The following BCR variants were observed in gnomAD, a reference collection of about 807,000 sequenced individuals.
BCR encodes BCR activator of RhoGEF and GTPase, also known as breakpoint cluster region protein.
A neutral mutation model predicts 138.6 loss-of-function variants in BCR; 58 were observed. That is an observed-to-expected ratio of 0.42 (90% CI 0.34 to 0.52). BCR has a LOEUF of 0.52. BCR is among the 20% of genes least tolerant of loss of function. The probability of loss-of-function intolerance (pLI) is 0.06; values close to 1 mark genes in which losing one functional copy is unlikely to be tolerated. For missense variants in BCR, 1,599 were observed against 1,727.2 expected, an observed-to-expected ratio of 0.93 and a Z score of 1.32; for synonymous variants, 786 against 730.1, an observed-to-expected ratio of 1.08 and a Z score of -1.23.
chr22:23,297,181 C>T (rs1045594146), intron 16 of BCR, among the ~76,000 whole-genome samples: 9 of 149,612 alleles, frequency 6.0e-5, no homozygotes, highest in African/African-American at 1.5e-4. Context: ...GGATTACAGT[C>T]GTGCCCCACC....
chr22:23,267,722 C>CA (rs2073460082), intron 4 of BCR, among the ~76,000 whole-genome samples: 1 of 152,216 alleles, frequency 6.6e-6, no homozygotes, highest in African/African-American at 2.4e-5. Flanking sequence ...CTGCTGCACT[C>CA]ACACAAGTTG....
intron 13 of BCR, chr22:23,289,886 C>T (rs1329348628): frequency 5.5e-6 from 3 of 547,716 alleles, no homozygotes; most frequent in African/African-American, 3.8e-5. Flanking sequence ...AGCAGACGCT[C>T]CTCAGATGCT....
chr22:23,206,118 T>C (rs1221366414), intron 1 of BCR, among the ~76,000 whole-genome samples: 1 of 152,178 alleles, frequency 6.6e-6, no homozygotes, highest in African/African-American at 2.4e-5. Context: ...CTAACTTCCC[T>C]TTCTCTTCCC....
At chr22:23,294,054 CTT>C (rs1261078399) in intron 15 of BCR, among the ~76,000 whole-genome samples, 5 of 152,216 alleles carry the variant, frequency 3.3e-5, no homozygotes, top group Admixed American at 6.5e-5. Context: ...AAGGATCACT[CTT>C]TTGTTTCCTT....
chr22:23,268,531 C>T lies in BCR; in HGVS notation c.1860+16C>T, dbSNP rs767585996. 4.4e-5 allele frequency: 70 copies of T among 1,603,074 alleles called. No individual in the cohort carries two copies. The highest frequency in any genetic ancestry group is 3.9e-4 in the Admixed American group (23 of 59,658). On this transcript the variant is annotated intron_variant, in intron 5 of 22. Transcript: ENST00000305877. ...AATCTCCGAGGTAATGCCTTGATGC[C>T]GTTCAGACAGGTGCACCGCTGACTC...
intron 1 of BCR, among the ~76,000 whole-genome samples, chr22:23,232,176 A>G (rs2072966403): frequency 6.6e-6 from 1 of 152,220 alleles, no homozygotes; most frequent in Non-Finnish European, 1.5e-5. Flanking sequence ...CTGGCCCAGT[A>G]GGGATGATAG....
intron 1 of BCR, among the ~76,000 whole-genome samples, chr22:23,212,689 G>A (rs764097018): frequency 9.2e-5 from 14 of 152,200 alleles, no homozygotes; most frequent in East Asian, 5.8e-4. Context: ...ACCCCAGAGC[G>A]TTGCTGTGTC....
intron 16 of BCR, among the ~76,000 whole-genome samples, chr22:23,298,977 T>C (rs1468843797): frequency 6.6e-6 from 1 of 152,104 alleles, no homozygotes; most frequent in East Asian, 1.9e-4. Flanking sequence ...ACAGACCCCC[T>C]GGGGCCTGCC....
Position 23,181,915 on chromosome 22 carries a change from C to T in BCR, c.955C>T (p.Arg319Trp), listed in dbSNP as rs2072271325. ...CTGGCCCCGCAGGTCCTACTCCCCC[C>T]GGAGTTTTGAGGATTGCGGAGGCGG... ...LTWPRRSYSP[R>W]SFEDCGGGYT... Residue 319 changes from arginine to tryptophan, a missense_variant, in exon 1 of 23, where the codon CGG becomes TGG. This residue lies in a region of BCR where 806 missense variants were observed against 635.0 expected (regional missense o/e 1.27). Transcript: ENST00000305877. 6.2e-7 allele frequency: 1 copy of T among 1,613,552 alleles called. No individual in the cohort carries two copies. Among genetic ancestry groups the T allele is most frequent in the Non-Finnish European group, 8.5e-7 (1 of 1,179,970 alleles).
intron 4 of BCR, chr22:23,264,491 C>T (rs1488046017): frequency 4.0e-5 from 23 of 577,328 alleles, no homozygotes; most frequent in Non-Finnish European, 7.1e-5. Flanking sequence ...AGTGCTCAGG[C>T]ACCTTGCAGT....
At position 23,252,807 on chromosome 22, in the gene BCR, C is replaced by T. The variant is rs532501491; in HGVS notation, c.1280-992C>T. ...CTGTTTTCTCTGTACACAAGCTCAA[C>T]GCAGAACACTTATGTGACCAAATGT... On this transcript the variant is annotated intron_variant, in intron 1 of 22. Coordinates refer to ENST00000305877, the MANE Select transcript of BCR (RefSeq NM_004327.4). Among the ~76,000 whole-genome samples the T allele has an allele frequency of 5.3e-5, 8 of 152,310 alleles. No homozygotes were observed. In the South Asian group the frequency reaches 1.4e-3, roughly 28 times the overall value.
chr22:23,262,813 G>C, intron 4 of BCR: 3 of 1,003,654 alleles, frequency 3.0e-6, no homozygotes, highest in Non-Finnish European at 1.2e-6. Context: ...AAGCGAGCGA[G>C]AGGGGCAAGG....
rs764228203 is a variant in BCR at position 23,268,492 on chromosome 22, G to T, written c.1837G>T (p.Ala613Ser). 4 of 1,613,706 alleles carry T rather than the reference G, an allele frequency of 2.5e-6. No individual in the cohort carries two copies. The East Asian group carries it at 8.9e-5, about 36-fold the overall frequency. ...GGCTGAGAAGTGCTGTCAGGCCAAT[G>T]CTCAGTTTGCAGAAATCTCCGAGGT... is the stretch of plus-strand genomic sequence containing the variant. ...EMAEKCCQANAQFAEISENLR... is the reference protein window; with the variant it reads ...EMAEKCCQANSQFAEISENLR... The change falls in exon 5 of 23, where the codon GCT (alanine) becomes TCT (serine). Residue 613 changes from alanine (A) to serine (S), a missense_variant. Physicochemically the swap from Ala to Ser is moderately conservative, Grantham distance 99. Transcript: ENST00000305877.
chr22:23,249,899 G>A (rs1217050046), intron 1 of BCR, among the ~76,000 whole-genome samples: 1 of 152,198 alleles, frequency 6.6e-6, no homozygotes, highest in Non-Finnish European at 1.5e-5. Flanking sequence ...CCCAGACATT[G>A]ATTTGAGATC....
chr22:23,273,738 A>G lies in BCR; in HGVS notation c.2079A>G (p.Thr693=). The change falls in exon 8 of 23, where the codon ACA becomes ACG. Residue 693 remains threonine (T), a synonymous_variant. Transcript: ENST00000305877. ...TGTCCAGCATCAATGAGGAGATCACACCCCGACGGCAGTCCATGACGGTGA... is the reference window on the plus strand; with the variant it reads ...TGTCCAGCATCAATGAGGAGATCACGCCCCGACGGCAGTCCATGACGGTGA... ...NFLSSINEEI[T]PRRQSMTVKK... is the part of the protein sequence containing the mutation. 1 of 1,614,000 alleles carries G rather than the reference A, an allele frequency of 6.2e-7. No individual in the cohort carries two copies.
chr22:23,211,628 G>A (rs530409631), intron 1 of BCR, among the ~76,000 whole-genome samples: 1 of 152,168 alleles, frequency 6.6e-6, no homozygotes, highest in Admixed American at 6.5e-5. Flanking sequence ...GGGATTACAG[G>A]CGCCCACCAC....
intron 2 of BCR, among the ~76,000 whole-genome samples, chr22:23,258,686 C>T (rs889278916): frequency 3.3e-5 from 5 of 152,188 alleles, no homozygotes; most frequent in African/African-American, 1.2e-4. Flanking sequence ...GGGTGTTACT[C>T]ACATACGATA....
intron 19 of BCR, chr22:23,312,595 C>A (rs1272393114): frequency 4.3e-5 from 20 of 464,910 alleles, no homozygotes; most frequent in Non-Finnish European, 7.2e-5. Flanking sequence ...ATGTACAGGG[C>A]AGAGCCACCC....
At chr22:23,229,452 T>C (rs1370496259) in intron 1 of BCR, among the ~76,000 whole-genome samples, 1 of 152,188 alleles carries the variant, frequency 6.6e-6, no homozygotes, top group Non-Finnish European at 1.5e-5. Context: ...ATTATGAGAC[T>C]CCGGACCCTG....
Sources: allele counts gnomAD v4.1 joint callset (sites outside exome capture counted in the v4.1 genomes callset), GRCh38; gene constraint gnomAD v4.1.1; regional missense constraint gnomAD v4.1.1; transcripts MANE v1.5; gene names NCBI Gene and HGNC (gene_info 2026-07-23, HGNC 2026-07-21).